Variants in DGAT2L6 observed in about 807,000 individuals in gnomAD.
DGAT2L6 encodes diacylglycerol O-acyltransferase 2-like protein 6.
Under a neutral mutation model 25.5 loss-of-function variants are expected in DGAT2L6, and 22 were observed. The ratio of observed to expected loss-of-function variants is 0.86; its 90% CI spans 0.62 to 1.23. DGAT2L6 has a LOEUF of 1.23. Among genes scored for constraint, DGAT2L6 ranks in the 50% most tolerant of loss-of-function variants. The pLI is 0.00. For synonymous variants in DGAT2L6, 100 were observed against 94.7 expected (o/e 1.06, Z -0.32); for missense variants, 287 against 253.2 (o/e 1.13, Z -0.91).
intron 1 of DGAT2L6, among the ~76,000 whole-genome samples, chrX:70,196,295 T>A (rs947779501): frequency 1.9e-5 from 2 of 107,900 alleles, no homozygotes; most frequent in African/African-American, 6.7e-5. Context: ...CAGGGCAACA[T>A]AGCAAGACCC....
rs947444732 is a variant in DGAT2L6 at position 70,205,292 on chromosome X, C to T, written c.*186C>T. 2.6e-5 allele frequency: 13 copies of T among 501,801 alleles called. No individual in the cohort carries two copies. Among genetic ancestry groups the T allele is most frequent in the Admixed American group, 1.2e-4 (2 of 16,947 alleles). 41.4% of individuals were successfully genotyped at this position (501,801 alleles called of 1,213,427 possible). On this transcript the variant is annotated 3_prime_UTR_variant, in exon 7 of 7. Transcript: ENST00000333026. ...TCCTCTCCCAAGTGGCTGAGGCAGGCTTAGGGGAAAGAACCAGAGGGGCAG... is the reference window on the plus strand; with the variant it reads ...TCCTCTCCCAAGTGGCTGAGGCAGGTTTAGGGGAAAGAACCAGAGGGGCAG...
intron 1 of DGAT2L6, among the ~76,000 whole-genome samples, chrX:70,198,531 GTTGTT>G (rs2085399013): frequency 9.1e-6 from 1 of 110,125 alleles, no homozygotes; most frequent in South Asian, 3.9e-4. Flanking sequence ...TGTTGTTGTT[GTTGTT>G]TGTTTTGTTT....
At chrX:70,196,486 C>CAAAAAAAAAAAAAAAAAAAAAAAAAAA (rs751597708) in intron 1 of DGAT2L6, among the ~76,000 whole-genome samples, 1 of 26,095 alleles carries the variant, frequency 3.8e-5, no homozygotes, top group Non-Finnish European at 7.0e-5. Context: ...GATCCTGTCT[C>CAAAAAAAAAAAAAAAAAAAAAAAAAAA]AAAAAAAAAA....
Position 70,205,096 on chromosome X carries a change from C to T in DGAT2L6, c.1004C>T (p.Thr335Ile), listed in dbSNP as rs1449433491. Residue 335 changes from threonine (T) to isoleucine (I), a missense_variant, in exon 7 of 7, where the codon ACA (threonine) becomes ATA (isoleucine). Transcript: ENST00000333026. ...EYGLPETQELTIT is the reference protein window; with the variant it reads ...EYGLPETQELIIT ...GGCCTCCCTGAGACCCAAGAGCTGA[C>T]AATTACATAACAGGAGCCACATTCC... 3.4e-6 allele frequency: 4 copies of T among 1,192,756 alleles called. No homozygotes were observed. The Admixed American group carries it at 9.2e-5, about 27-fold the overall frequency.
At chrX:70,204,644 G>A (rs1441067934) in intron 6 of DGAT2L6, 128 bp downstream of exon 6, 7 of 787,831 alleles carry the variant, frequency 8.9e-6, no homozygotes, top group Non-Finnish European at 1.3e-5. Context: ...TAAGAGCAGG[G>A]TGGGTAGGAC....
intron 1 of DGAT2L6, among the ~76,000 whole-genome samples, chrX:70,196,150 T>C (rs928875443): frequency 1.6e-4 from 18 of 110,374 alleles, no homozygotes; most frequent in Admixed American, 6.8e-4. Context: ...TAGATCTAAA[T>C]GTAAAAAAAG....
At chrX:70,185,955 G>A (rs1331358577) in intron 1 of DGAT2L6, among the ~76,000 whole-genome samples, 1 of 109,366 alleles carries the variant, frequency 9.1e-6, no homozygotes, top group Non-Finnish European at 1.9e-5. Flanking sequence ...TCAGATTTAG[G>A]TCATTGCCCC....
Position 70,200,485 on chromosome X carries a change from AT to A in DGAT2L6, c.472+33del, listed in dbSNP as rs749575380. ...GTGAGTATAAGAAATAATTAATTCT[AT>A]TTTTTTACCTACTTCAAAGGTGCAA... On this transcript the variant is annotated intron_variant, in intron 4 of 6. Coordinates refer to ENST00000333026, the MANE Select transcript of DGAT2L6 (RefSeq NM_198512.3). The A allele has an allele frequency of 8.5e-6, 10 of 1,176,662 alleles. No individual in the cohort carries two copies. The African/African-American group carries it at 8.9e-5, about 10-fold the overall frequency.
intron 4 of DGAT2L6, among the ~76,000 whole-genome samples, 153 bp downstream of exon 4, chrX:70,200,612 T>C (rs2085407022): frequency 9.0e-6 from 1 of 111,436 alleles, no homozygotes; most frequent in African/African-American, 3.3e-5. Context: ...GGCTAAGCAT[T>C]AGTTTCTGTC....
chrX:70,195,058 C>T (rs140213702), intron 1 of DGAT2L6, among the ~76,000 whole-genome samples: 1,214 of 111,489 alleles, frequency 0.011, 21 homozygotes, highest in African/African-American at 0.038. Context: ...AATAAAATAA[C>T]ATAAACTTTT....
chrX:70,199,993 C>A, intron 3 of DGAT2L6, 111 bp downstream of exon 3: 1 of 811,343 alleles, frequency 1.2e-6, no homozygotes, highest in Non-Finnish European at 1.7e-6. Context: ...GTCAAGGCCC[C>A]GAGTCATAAT....
intron 1 of DGAT2L6, 67 bp from the exon 2 acceptor site, chrX:70,199,204 G>A (rs968888340): frequency 1.1e-5 from 8 of 710,454 alleles, no homozygotes; most frequent in East Asian, 7.1e-5. Flanking sequence ...AGCAGAGGCC[G>A]GGGTTATGAG....
chrX:70,201,991 T>C lies in DGAT2L6; in HGVS notation c.574T>C (p.Leu192=). ...GGTGGGTGGAGCTGCTGAAGCTCTC[T>C]TGTGCCGACCAGGAGCCTCCACTCT... ...IVVGGAAEAL[L]CRPGASTLFL... Residue 192 remains leucine, a synonymous_variant, in exon 5 of 7, where the codon TTG becomes CTG. Coordinates refer to ENST00000333026, the MANE Select transcript of DGAT2L6 (RefSeq NM_198512.3). The C allele has an allele frequency of 8.3e-7, 1 of 1,210,020 alleles. No individual in the cohort carries two copies. Among genetic ancestry groups the C allele is most frequent in the Non-Finnish European group, 1.1e-6 (1 of 894,847 alleles).
At chrX:70,179,724 C>G (rs944625142) in intron 1 of DGAT2L6, among the ~76,000 whole-genome samples, 1 of 108,674 alleles carries the variant, frequency 9.2e-6, no homozygotes, top group Non-Finnish European at 1.9e-5. Flanking sequence ...TGTGCCACCA[C>G]GCACAGCTAA....
intron 5 of DGAT2L6, among the ~76,000 whole-genome samples, chrX:70,202,878 C>T (rs955955456): frequency 8.9e-6 from 1 of 111,845 alleles, no homozygotes. Flanking sequence ...TTTATAGGGG[C>T]TTGCAAGACG....
At chrX:70,184,507 G>A (rs773204921) in intron 1 of DGAT2L6, among the ~76,000 whole-genome samples, 12 of 108,460 alleles carry the variant, frequency 1.1e-4, no homozygotes, top group Non-Finnish European at 2.3e-4. Context: ...CTCCCAGGCT[G>A]AGGCTGGAGT....
chrX:70,194,383 A>T (rs533265001), intron 1 of DGAT2L6, among the ~76,000 whole-genome samples: 1 of 112,109 alleles, frequency 8.9e-6, no homozygotes, highest in East Asian at 2.8e-4. Flanking sequence ...TAAAAGAAAC[A>T]TAAAAAAATC....
At chrX:70,188,888 T>C (rs1056799704) in intron 1 of DGAT2L6, among the ~76,000 whole-genome samples, 1 of 106,903 alleles carries the variant, frequency 9.4e-6, no homozygotes, top group East Asian at 2.9e-4. Context: ...ATCATATCAA[T>C]TGACAAACTT....
chrX:70,198,998 G>A (rs148328796), intron 1 of DGAT2L6, among the ~76,000 whole-genome samples: 15 of 112,151 alleles, frequency 1.3e-4, no homozygotes, highest in African/African-American at 3.2e-4. Flanking sequence ...TCACCAAGCC[G>A]TGCTGTCCTT....
Sources: allele counts gnomAD v4.1 joint callset (sites outside exome capture counted in the v4.1 genomes callset), GRCh38; gene constraint gnomAD v4.1.1; transcripts MANE v1.5; gene names NCBI Gene and HGNC (gene_info 2026-07-23, HGNC 2026-07-21).